The following ST8SIA1 variants were observed in gnomAD, a reference collection of about 807,000 sequenced individuals.
ST8SIA1 encodes alpha-N-acetylneuraminide alpha-2,8-sialyltransferase.
Under a neutral mutation model 35.9 loss-of-function variants are expected in ST8SIA1, and 16 were observed. The ratio of observed to expected loss-of-function variants is 0.45; its 90% confidence interval spans 0.30 to 0.68. The LOEUF (loss-of-function observed/expected upper bound fraction) is 0.68, where lower values mean the gene tolerates loss of function less well. Ranked by LOEUF, ST8SIA1 falls within the 30% of genes least tolerant of loss-of-function variation. The pLI is 0.09. For synonymous variants in ST8SIA1, 170 were observed against 169.6 expected, an observed-to-expected ratio of 1.00 and a Z score of -0.02; for missense variants, 383 against 453.6, an observed-to-expected ratio of 0.84 and a Z score of 1.41.
chr12:22,219,865 C>A (rs1436681988), intron 4 of ST8SIA1, among the ~76,000 whole-genome samples: 1 of 152,074 alleles, frequency 6.6e-6, no homozygotes, highest in Non-Finnish European at 1.5e-5. Context: ...AAACTTGACC[C>A]ACATAGAGGA....
intron 1 of ST8SIA1, among the ~76,000 whole-genome samples, chr12:22,317,480 C>G (rs984965475): frequency 2.0e-5 from 3 of 152,166 alleles, no homozygotes; most frequent in African/African-American, 7.2e-5. Context: ...CTGCGGTCAT[C>G]GGAAGCTAAA....
At chr12:22,293,713 T>G (rs1457314986) in intron 1 of ST8SIA1, among the ~76,000 whole-genome samples, 1 of 152,228 alleles carries the variant, frequency 6.6e-6, no homozygotes, top group Non-Finnish European at 1.5e-5. Context: ...TACAACTTTG[T>G]TTGCTTCACA....
intron 2 of ST8SIA1, among the ~76,000 whole-genome samples, chr12:22,266,502 A>AAAAT (rs1555158392): frequency 1.3e-5 from 2 of 150,264 alleles, no homozygotes; most frequent in Non-Finnish European, 3.0e-5. Context: ...TTAAAAAAAA[A>AAAAT]ATATATATAT....
intron 1 of ST8SIA1, among the ~76,000 whole-genome samples, chr12:22,293,464 A>T (rs1565588933): frequency 1.3e-5 from 2 of 152,238 alleles, no homozygotes; most frequent in Admixed American, 6.5e-5. Context: ...TTTCCTGCAG[A>T]CAGCTAAATC....
chr12:22,247,854 A>T (rs1865623565), intron 4 of ST8SIA1, among the ~76,000 whole-genome samples: 1 of 152,160 alleles, frequency 6.6e-6, no homozygotes, highest in African/African-American at 2.4e-5. Flanking sequence ...CTATAAATCA[A>T]TAGAAAAATA....
At chr12:22,225,579 A>G (rs1223185563) in intron 4 of ST8SIA1, among the ~76,000 whole-genome samples, 1 of 152,210 alleles carries the variant, frequency 6.6e-6, no homozygotes, top group Non-Finnish European at 1.5e-5. Context: ...GTTAAAGAAA[A>G]ATGAAACTTT....
intron 1 of ST8SIA1, among the ~76,000 whole-genome samples, chr12:22,289,133 GT>G (rs1259187149): frequency 1.8e-4 from 28 of 152,294 alleles, no homozygotes; most frequent in South Asian, 6.2e-4. Context: ...CCTGGACATG[GT>G]TTAAGACTAT....
intron 1 of ST8SIA1, among the ~76,000 whole-genome samples, chr12:22,304,052 G>C (rs1195518445): frequency 6.6e-6 from 1 of 152,324 alleles, no homozygotes; most frequent in African/African-American, 2.4e-5. Context: ...CCATAGCTAA[G>C]GGTTCTGCCA....
chr12:22,334,384 G>T lies in ST8SIA1; in HGVS notation c.-152C>A. Reference sequence around the variant, plus strand: ...CACGCACGCTTCTTCGGCCCCGTCGGCCCCAAAGGTCAGCGCAAGGATTTT... The same window carrying T: ...CACGCACGCTTCTTCGGCCCCGTCGTCCCCAAAGGTCAGCGCAAGGATTTT... On this transcript the variant is annotated 5_prime_UTR_variant, in exon 1 of 5. Coordinates refer to ENST00000396037, the MANE Select transcript of ST8SIA1 (RefSeq NM_003034.4). 1 of 625,388 alleles carries T rather than the reference G, an allele frequency of 1.6e-6. No homozygotes were observed. The highest frequency in any genetic ancestry group is 2.8e-6 in the Non-Finnish European group (1 of 359,508). 38.7% of individuals were successfully genotyped at this position (625,388 alleles called of 1,614,324 possible).
At chr12:22,206,555 C>T (rs1433685302) in intron 4 of ST8SIA1, among the ~76,000 whole-genome samples, 1 of 152,130 alleles carries the variant, frequency 6.6e-6, no homozygotes, top group East Asian at 1.9e-4. Flanking sequence ...ATGGAATTCT[C>T]GACTCATACA....
At chr12:22,317,610 T>C (rs979507259) in intron 1 of ST8SIA1, among the ~76,000 whole-genome samples, 6 of 152,178 alleles carry the variant, frequency 3.9e-5, no homozygotes, top group Non-Finnish European at 7.3e-5. Flanking sequence ...AGTGGCCTCA[T>C]AGCATGGCAG....
chr12:22,321,111 G>C (rs1866594901), intron 1 of ST8SIA1, among the ~76,000 whole-genome samples: 1 of 152,052 alleles, frequency 6.6e-6, no homozygotes, highest in Non-Finnish European at 1.5e-5. Flanking sequence ...AGACACACCA[G>C]GCACTAGACA....
intron 4 of ST8SIA1, among the ~76,000 whole-genome samples, chr12:22,227,057 T>C (rs1470549657): frequency 1.3e-5 from 2 of 151,940 alleles, no homozygotes; most frequent in African/African-American, 2.4e-5. Flanking sequence ...ATGATTCTCC[T>C]GTCTCGGCCT....
chr12:22,304,346 T>C (rs1368833536), intron 1 of ST8SIA1, among the ~76,000 whole-genome samples: 2 of 150,054 alleles, frequency 1.3e-5, no homozygotes, highest in Non-Finnish European at 1.5e-5. Context: ...TTTTTTTTTT[T>C]TTTTTTTTTG....
rs138143122 is a variant in ST8SIA1 at position 22,319,609 on chromosome 12, C to T, written c.236+14388G>A. Among the ~76,000 whole-genome samples, 587 of 152,282 alleles carry T rather than the reference C, an allele frequency of 3.9e-3. 2 individuals carry two copies. Among genetic ancestry groups the T allele is most frequent in the African/African-American group, 0.013 (526 of 41,556 alleles). On this transcript the variant is annotated intron_variant, in intron 1 of 4. Coordinates refer to ENST00000396037, the MANE Select transcript of ST8SIA1 (RefSeq NM_003034.4). ...GTTGGGAGAGCCCCTGGACATATGG[C>T]CCTCAGCAGGGCTGGGGGAAGAGTC...
intron 2 of ST8SIA1, among the ~76,000 whole-genome samples, chr12:22,275,878 C>A (rs2135809384): frequency 6.6e-6 from 1 of 152,344 alleles, no homozygotes; most frequent in East Asian, 1.9e-4. Flanking sequence ...TCTTCTGCAA[C>A]TATAAGCTGA....
intron 2 of ST8SIA1, among the ~76,000 whole-genome samples, chr12:22,268,121 C>T (rs550037213): frequency 1.3e-5 from 2 of 152,306 alleles, no homozygotes; most frequent in African/African-American, 4.8e-5. Context: ...GTCTCCAGAG[C>T]CTACCACATA....
intron 4 of ST8SIA1, among the ~76,000 whole-genome samples, chr12:22,231,164 AATATT>A (rs1306976600): frequency 6.7e-6 from 1 of 148,636 alleles, no homozygotes; most frequent in Non-Finnish European, 1.5e-5. Context: ...ATACATATAT[AATATT>A]ATATATTTAA....
intron 4 of ST8SIA1, among the ~76,000 whole-genome samples, chr12:22,217,202 T>C (rs556915668): frequency 5.3e-5 from 8 of 152,322 alleles, no homozygotes; most frequent in Admixed American, 1.3e-4. Context: ...TAGGTGTTCA[T>C]CTCTTATGGT....
Sources: allele counts gnomAD v4.1 joint callset (sites outside exome capture counted in the v4.1 genomes callset), GRCh38; gene constraint gnomAD v4.1.1; transcripts MANE v1.5; gene names NCBI Gene and HGNC (gene_info 2026-07-23, HGNC 2026-07-21).